FBXW9: variants seen among roughly 807,000 people sequenced by gnomAD.
FBXW9 encodes F-box/WD repeat-containing protein 9.
A neutral mutation model predicts 55.8 loss-of-function variants in FBXW9; 38 were observed. The ratio of observed to expected loss-of-function variants is 0.68; its 90% CI spans 0.53 to 0.89. The LOEUF (loss-of-function observed/expected upper bound fraction) is 0.89, where lower values mean the gene tolerates loss of function less well. Among genes scored for constraint, FBXW9 ranks in the 40% least tolerant of loss-of-function variants. The pLI, the probability that FBXW9 is intolerant of heterozygous loss-of-function variation, is 0.00. For synonymous variants in FBXW9, 289 were observed against 278.2 expected (o/e 1.04, Z -0.38); for missense variants, 590 against 619.4 (o/e 0.95, Z 0.50).
At position 12,689,899 on chromosome 19, in the gene FBXW9, C is replaced by A. The variant is rs1467502427; in HGVS notation, c.1033-25G>T. ...GCTACGAGAGGGACAAGGGACGGGA[C>A]AGCTCAGGCCGGGCTGGGCCTGCAA... On this transcript the variant is annotated intron_variant, in intron 6 of 9. Transcript: ENST00000393261. The surrounding 1 kb of genome is among the most constrained non-coding windows in gnomAD (Gnocchi z 5.9). The A allele has an allele frequency of 6.2e-7, 1 of 1,612,940 alleles. No homozygotes were observed. The highest frequency in any genetic ancestry group is 1.3e-5 in the African/African-American group (1 of 74,876).
chr19:12,691,466 G>A lies in FBXW9; in HGVS notation c.679-12C>T, dbSNP rs1282593297. On this transcript the variant is annotated splice_polypyrimidine_tract_variant and intron_variant, in intron 3 of 9. Coordinates refer to ENST00000393261, the MANE Select transcript of FBXW9 (RefSeq NM_032301.3). ...GACCACACCCAGCCCTGCAGGACAG[G>A]AGCAGCAGTCACACACCTGCCACAG... The A allele has an allele frequency of 1.9e-6, 3 of 1,552,738 alleles. No homozygotes were observed. Among genetic ancestry groups the A allele is most frequent in the African/African-American group, 1.4e-5 (1 of 73,124 alleles).
At chr19:12,696,136 C>T in intron 1 of FBXW9, 37 bp downstream of exon 1, 1 of 1,453,490 alleles carries the variant, frequency 6.9e-7, no homozygotes, top group South Asian at 1.3e-5. Flanking sequence ...GGGCGGGCGC[C>T]CCCGGCCCCC....
intron 3 of FBXW9, 25 bp from the exon 4 acceptor site, chr19:12,691,479 A>T (rs1293686769): frequency 6.6e-7 from 1 of 1,525,724 alleles, no homozygotes. Flanking sequence ...CAGCAGTCAC[A>T]CACCTGCCAC....
At chr19:12,691,908 ACCACG>A (rs1430855996) in intron 3 of FBXW9, among the ~76,000 whole-genome samples, 1 of 151,874 alleles carries the variant, frequency 6.6e-6, no homozygotes, top group Non-Finnish European at 1.5e-5. Flanking sequence ...CGCTTGTGCC[ACCACG>A]CCCGGCTAAT....
At chr19:12,691,493 C>T in intron 3 of FBXW9, 39 bp from the exon 4 acceptor site, 1 of 1,490,776 alleles carries the variant, frequency 6.7e-7, no homozygotes, top group Non-Finnish European at 9.1e-7. Context: ...CTGCCACAGC[C>T]CATGGGGGTC....
chr19:12,691,179 G>A lies in FBXW9; in HGVS notation c.870C>T (p.Ile290=). ...CCCTTGGCCCACCTCTGGGGTCGTA[G>A]ATGGTCACCTTCTTGTCATAGGTGC... is the stretch of plus-strand genomic sequence containing the variant. ...VTGTYDKKVT[I]YDPRAGPALL... The change falls in exon 5 of 10, where the codon ATC becomes ATT. Residue 290 remains isoleucine (I), a synonymous_variant. Transcript: ENST00000393261. The A allele has an allele frequency of 6.2e-7, 1 of 1,614,204 alleles. No homozygotes were observed. The highest frequency in any genetic ancestry group is 8.5e-7 in the Non-Finnish European group (1 of 1,180,020).
In FBXW9 at chr19:12,693,590, ACACACACACACACAC is replaced by A. The variant is rs1568326375; in HGVS notation, c.678+989_678+1003del. ...CACACACACACACACACACACACAC[ACACACACACACACAC>A]ACAAAAGAAATTAGCTGGGCATGGT... On this transcript the variant is annotated intron_variant, in intron 3 of 9. Transcript: ENST00000393261. Among the ~76,000 whole-genome samples the A allele has an allele frequency of 6.9e-4, 85 of 122,920 alleles. 8 individuals are homozygous for A. Among genetic ancestry groups the A allele is most frequent in the African/African-American group, 3.3e-3 (82 of 24,728 alleles). 80.6% of individuals were successfully genotyped at this position (122,920 alleles called of 152,430 possible).
At chr19:12,693,271 A>C (rs1187040995) in intron 3 of FBXW9, among the ~76,000 whole-genome samples, 1 of 151,800 alleles carries the variant, frequency 6.6e-6, no homozygotes, top group Non-Finnish European at 1.5e-5. Flanking sequence ...AGTCATGCTC[A>C]GAGTTGGCTG....
rs762781415 is a variant in FBXW9, at chr19:12,689,679, C to T, written c.1147-49G>A. On this transcript the variant is annotated intron_variant, in intron 7 of 9. Transcript: ENST00000393261. This position sits in a 1 kb window ranked among gnomAD's most constrained non-coding sequence, Gnocchi z 5.9. Reference sequence around the variant, plus strand: ...ACTCAGTCGAGGCTCTCCCAAGGCCCGCCCTCCCCCACACCACCAGGGGCT... The same window carrying T: ...ACTCAGTCGAGGCTCTCCCAAGGCCTGCCCTCCCCCACACCACCAGGGGCT... 1.1e-5 allele frequency: 17 copies of T among 1,608,272 alleles called. No homozygotes were observed. The highest frequency in any genetic ancestry group is 3.3e-5 in the Admixed American group (2 of 59,956).
rs2025003646 is a variant in FBXW9 at position 12,691,258 on chromosome 19, C to T, written c.792-1G>A. ...GAGGCACAGCACGGCTGAGCTGGCC[C>T]TAGGGACACACAGACCACAGGGCTT... On this transcript the variant is annotated splice_acceptor_variant, in intron 4 of 9. Coordinates refer to ENST00000393261, the MANE Select transcript of FBXW9 (RefSeq NM_032301.3). LOFTEE classifies it high-confidence loss of function. The T allele has an allele frequency of 6.2e-7, 1 of 1,614,078 alleles. No homozygotes were observed. The highest frequency in any genetic ancestry group is 1.3e-5 in the African/African-American group (1 of 74,950).
chr19:12,690,235 C>T (rs1296864563), intron 5 of FBXW9, 125 bp from the exon 6 acceptor site: 1 of 1,493,076 alleles, frequency 6.7e-7, no homozygotes, highest in Non-Finnish European at 9.1e-7. Flanking sequence ...TTCCCCCACC[C>T]CACAGAGTGA....
intron 3 of FBXW9, among the ~76,000 whole-genome samples, chr19:12,694,047 G>A (rs889049220): frequency 6.6e-6 from 1 of 151,266 alleles, no homozygotes; most frequent in Non-Finnish European, 1.5e-5. Flanking sequence ...AATTAGCTGG[G>A]CATGGTGGTC....
At position 12,694,611 on chromosome 19, in the gene FBXW9, G is replaced by A. The variant is rs771508183; in HGVS notation, c.661C>T (p.Arg221Ter). The change falls in exon 3 of 10, where the codon CGA (arginine) becomes TGA (stop). Residue 221 changes from arginine to a stop codon, truncating the protein, a stop_gained. Coordinates refer to ENST00000393261, the MANE Select transcript of FBXW9 (RefSeq NM_032301.3). LOFTEE classifies it high-confidence loss of function. ...CTCCTCACCTCATGGGTACTATTTC[G>A]CTTAGTGCCTAAGGTCTTGATCAGA... ...QVLIKTLGTKRNSTHEGWVWS... is the reference protein window; with the variant it reads ...QVLIKTLGTK The A allele has an allele frequency of 5.0e-6, 8 of 1,614,162 alleles. No individual in the cohort carries two copies. Among genetic ancestry groups the A allele is most frequent in the Middle Eastern group, 1.6e-4 (1 of 6,062 alleles).
intron 2 of FBXW9, 29 bp from the exon 3 acceptor site, chr19:12,694,751 G>A: frequency 6.2e-7 from 1 of 1,614,026 alleles, no homozygotes. Flanking sequence ...GATGTTGTCA[G>A]GGCCACCCTG....
intron 3 of FBXW9, among the ~76,000 whole-genome samples, chr19:12,693,259 A>C (rs2025027828): frequency 6.6e-6 from 1 of 151,728 alleles, no homozygotes; most frequent in Admixed American, 6.6e-5. Flanking sequence ...TCACGAGATG[A>C]CAGTCATGCT....
chr19:12,696,249 G>T lies in FBXW9; in HGVS notation c.333C>A (p.Arg111=). The T allele has an allele frequency of 6.4e-7, 1 of 1,565,912 alleles. No individual in the cohort carries two copies. Among genetic ancestry groups the T allele is most frequent in the Non-Finnish European group, 8.7e-7 (1 of 1,155,978 alleles). ...AGGTGACATGGTCAGACACGAGGTC[G>T]CGGAGCGCGTGGCACACCCGCGACA... ...HVLSRVCHAL[R]DLVSDHVTWR... Residue 111 remains arginine (R), a synonymous_variant, in exon 1 of 10, where the codon CGC becomes CGA. Transcript: ENST00000393261.
At chr19:12,694,778 C>G (rs2145410960) in intron 2 of FBXW9, 21 bp downstream of exon 2, 1 of 1,613,756 alleles carries the variant, frequency 6.2e-7, no homozygotes, top group African/African-American at 1.3e-5. Flanking sequence ...CCTGCCTGGC[C>G]CCCCACAGAC....
Position 12,689,515 on chromosome 19 carries a change from G to C in FBXW9, c.1236+26C>G. 1 of 1,613,722 alleles carries C rather than the reference G, an allele frequency of 6.2e-7. No homozygotes were observed. Among genetic ancestry groups the C allele is most frequent in the East Asian group, 2.2e-5 (1 of 44,876 alleles). ...TAGGGGAGAGGCAGGGACTGTCCTG[G>C]GGTGGGGGCTGGGCAGGAGCCTCAC... is the stretch of plus-strand genomic sequence containing the variant. On this transcript the variant is annotated intron_variant, in intron 8 of 9. Coordinates refer to ENST00000393261, the MANE Select transcript of FBXW9 (RefSeq NM_032301.3). The surrounding 1 kb of genome is among the most constrained non-coding windows in gnomAD (Gnocchi z 5.9).
Position 12,692,758 on chromosome 19 carries a change from A to C in FBXW9, c.679-1304T>G, listed in dbSNP as rs578138386. ...AGGCTGGTCTCGAACTCCTGGGTTC[A>C]AGCAATCCTCCTGCCTCGGCCTCCC... On this transcript the variant is annotated intron_variant, in intron 3 of 9. Coordinates refer to ENST00000393261, the MANE Select transcript of FBXW9 (RefSeq NM_032301.3). 2.6e-5 allele frequency among the ~76,000 whole-genome samples: 4 copies of C among 152,266 alleles called. No homozygotes were observed. The East Asian group carries it at 7.7e-4, about 29-fold the overall frequency.
Sources: gnomAD v4.1 joint callset for allele counts (sites outside exome capture counted in the v4.1 genomes callset) on GRCh38, gnomAD v4.1.1 for gene constraint, Gnocchi (gnomAD v3.1) non-coding constraint, MANE v1.5 for transcripts, NCBI Gene and HGNC (gene_info 2026-07-23, HGNC 2026-07-21) for gene names.